Variants in TRPM3 observed in about 807,000 individuals in gnomAD.
TRPM3 encodes the protein long transient receptor potential channel 3.
In TRPM3, 77 loss-of-function variants were observed where a neutral mutation model predicts 181.2. The ratio of observed to expected loss-of-function variants is 0.42; its 90% CI spans 0.35 to 0.51. TRPM3 has a LOEUF of 0.51. Among genes scored for constraint, TRPM3 ranks in the 20% least tolerant of loss-of-function variants. The pLI is 0.01. For synonymous variants in TRPM3, 745 were observed against 796.4 expected (o/e 0.94, Z 1.09); for missense variants, 1,759 against 2,196.7 (o/e 0.80, Z 3.98).
chr9:71,215,486 G>T (rs1263237494), intron 1 of TRPM3, among the ~76,000 whole-genome samples: 1 of 152,208 alleles, frequency 6.6e-6, no homozygotes, highest in Admixed American at 6.5e-5. Context: ...GGATTACAGA[G>T]CTGCCTAAAC....
intron 1 of TRPM3, among the ~76,000 whole-genome samples, chr9:71,092,236 A>G (rs911355547): frequency 1.3e-5 from 2 of 152,134 alleles, no homozygotes. Flanking sequence ...AAATGGGAGC[A>G]CCCCTAATCC....
chr9:71,199,359 C>CT, intron 1 of TRPM3, among the ~76,000 whole-genome samples: 1 of 152,216 alleles, frequency 6.6e-6, no homozygotes, highest in Admixed American at 6.5e-5. Context: ...CTCTGCCTGG[C>CT]TTTGGTATCA....
At chr9:70,808,562 C>T (rs2091206518) in intron 6 of TRPM3, among the ~76,000 whole-genome samples, 1 of 152,144 alleles carries the variant, frequency 6.6e-6, no homozygotes, top group Admixed American at 6.5e-5. Context: ...GACAAAGTAA[C>T]TTTTCATTAA....
chr9:70,833,742 T>A (rs538390101), intron 5 of TRPM3, among the ~76,000 whole-genome samples: 278 of 152,288 alleles, frequency 1.8e-3, no homozygotes, highest in African/African-American at 6.5e-3. Flanking sequence ...GATATGAAAG[T>A]CCTTCTAATA....
At chr9:70,945,698 C>T (rs1422413111) in intron 1 of TRPM3, among the ~76,000 whole-genome samples, 1 of 152,120 alleles carries the variant, frequency 6.6e-6, no homozygotes, top group Non-Finnish European at 1.5e-5. Context: ...ATTGTAGCTT[C>T]ATTACTTTGG....
intron 1 of TRPM3, among the ~76,000 whole-genome samples, chr9:71,169,537 G>A (rs2076733981): frequency 6.6e-6 from 1 of 152,144 alleles, no homozygotes; most frequent in South Asian, 2.1e-4. Context: ...TTCGAGGCAG[G>A]TGCTCTAATT....
At chr9:70,854,393 C>A (rs2095329797) in intron 3 of TRPM3, among the ~76,000 whole-genome samples, 1 of 152,308 alleles carries the variant, frequency 6.6e-6, no homozygotes, top group African/African-American at 2.4e-5. Flanking sequence ...GACGACCTCA[C>A]AGGACACTGT....
intron 1 of TRPM3, among the ~76,000 whole-genome samples, chr9:71,023,505 TA>T (rs1253622785): frequency 6.6e-6 from 1 of 152,014 alleles, no homozygotes; most frequent in Non-Finnish European, 1.5e-5. Context: ...GAAATGAAAA[TA>T]AGTTCACCCA....
intron 9 of TRPM3, among the ~76,000 whole-genome samples, chr9:70,650,680 G>A (rs568761412): frequency 6.6e-6 from 1 of 152,080 alleles, no homozygotes; most frequent in Admixed American, 6.5e-5. Context: ...TAATCCCCAT[G>A]AACTCTTTAT....
intron 8 of TRPM3, among the ~76,000 whole-genome samples, chr9:70,745,324 A>T (rs1216974616): frequency 6.6e-6 from 1 of 152,112 alleles, no homozygotes; most frequent in African/African-American, 2.4e-5. Context: ...CATCAACCTT[A>T]TTTCTAAAAT....
chr9:71,227,767 C>G (rs1236936258), intron 1 of TRPM3, among the ~76,000 whole-genome samples: 2 of 151,954 alleles, frequency 1.3e-5, no homozygotes, highest in African/African-American at 4.8e-5. Context: ...ACATATTCAC[C>G]CTACCAAGAT....
At chr9:71,176,462 C>T (rs2077110973) in intron 1 of TRPM3, among the ~76,000 whole-genome samples, 1 of 151,992 alleles carries the variant, frequency 6.6e-6, no homozygotes, top group Non-Finnish European at 1.5e-5. Context: ...TACAGCTACG[C>T]AAACTGTTAG....
chr9:71,361,053 C>G (rs1350527697), intron 1 of TRPM3, among the ~76,000 whole-genome samples: 1 of 152,264 alleles, frequency 6.6e-6, no homozygotes, highest in African/African-American at 2.4e-5. Flanking sequence ...GTGGCACAAC[C>G]TCAGCTCACT....
intron 1 of TRPM3, among the ~76,000 whole-genome samples, chr9:71,407,009 G>C (rs1328155041): frequency 6.6e-6 from 1 of 152,114 alleles, no homozygotes; most frequent in Non-Finnish European, 1.5e-5. Flanking sequence ...AAGTTGGATG[G>C]GGAATGTGGC....
At chr9:70,923,101 A>T (rs148799700) in intron 1 of TRPM3, among the ~76,000 whole-genome samples, 67 of 152,288 alleles carry the variant, frequency 4.4e-4, no homozygotes, top group African/African-American at 1.5e-3. Context: ...TCCAGGGGCA[A>T]TGAAGTGGAA....
At chr9:70,572,850 A>G (rs2052823307) in intron 22 of TRPM3, among the ~76,000 whole-genome samples, 1 of 152,202 alleles carries the variant, frequency 6.6e-6, no homozygotes, top group African/African-American at 2.4e-5. Context: ...ATCTAAAGAC[A>G]GTAAGTAACT....
At chr9:71,171,865 ATTAT>A (rs1202376287) in intron 1 of TRPM3, among the ~76,000 whole-genome samples, 1 of 150,438 alleles carries the variant, frequency 6.6e-6, no homozygotes, top group Non-Finnish European at 1.5e-5. Flanking sequence ...GCTTTTTATT[ATTAT>A]TTATTTTGGA....
chr9:71,063,287 G>A (rs1460764595), intron 1 of TRPM3, among the ~76,000 whole-genome samples: 1 of 152,122 alleles, frequency 6.6e-6, no homozygotes, highest in Non-Finnish European at 1.5e-5. Context: ...CCTTGATGGT[G>A]ATCAATAGCT....
chr9:71,157,291 C>A (rs2076055321), intron 1 of TRPM3, among the ~76,000 whole-genome samples: 1 of 152,108 alleles, frequency 6.6e-6, no homozygotes, highest in Non-Finnish European at 1.5e-5. Context: ...CAAAGTCTCA[C>A]AACTTTAAAA....
Sources: allele counts gnomAD v4.1 joint callset (sites outside exome capture counted in the v4.1 genomes callset), GRCh38; gene constraint gnomAD v4.1.1; transcripts MANE v1.5; gene names NCBI Gene and HGNC (gene_info 2026-07-23, HGNC 2026-07-21).